The following SH3BGRL variants were observed in gnomAD, a reference collection of about 807,000 sequenced individuals.
SH3BGRL encodes the protein adapter SH3BGRL.
Under a neutral mutation model 9.8 loss-of-function variants are expected in SH3BGRL, and 7 were observed. The ratio of observed to expected loss-of-function variants is 0.72; its 90% CI spans 0.41 to 1.35. The LOEUF (loss-of-function observed/expected upper bound fraction) is 1.35. Ranked by LOEUF, SH3BGRL falls within the 40% of genes most tolerant of loss-of-function variation. The pLI, the probability that SH3BGRL is intolerant of heterozygous loss-of-function variation, is 0.01. For missense variants in SH3BGRL, 73 were observed against 84.4 expected (o/e 0.86, Z 0.53); for synonymous variants, 36 against 29.1 (o/e 1.24, Z -0.76).
chrX:81,268,014 T>C (rs2075763692), intron 1 of SH3BGRL, among the ~76,000 whole-genome samples: 1 of 112,110 alleles, frequency 8.9e-6, no homozygotes, highest in Non-Finnish European at 1.9e-5. Flanking sequence ...GAGGTGTTTA[T>C]AGTATTCTCT....
chrX:81,226,212 G>A (rs2075616158), intron 1 of SH3BGRL, among the ~76,000 whole-genome samples: 1 of 110,312 alleles, frequency 9.1e-6, no homozygotes. Flanking sequence ...CAGTGGTTTG[G>A]ATTTTTGTAT....
intron 1 of SH3BGRL, among the ~76,000 whole-genome samples, chrX:81,235,508 A>G (rs1646979279): frequency 9.0e-6 from 1 of 110,859 alleles, no homozygotes; most frequent in South Asian, 3.8e-4. Flanking sequence ...GCCTCAAGCA[A>G]ACAATTAAGA....
At chrX:81,250,664 C>T (rs867402026) in intron 1 of SH3BGRL, among the ~76,000 whole-genome samples, 16 of 111,614 alleles carry the variant, frequency 1.4e-4, no homozygotes, top group African/African-American at 3.9e-4. Flanking sequence ...TTTTTCTCCT[C>T]GGAACAAACT....
intron 1 of SH3BGRL, among the ~76,000 whole-genome samples, chrX:81,267,863 T>A (rs1369771873): frequency 8.9e-6 from 1 of 112,069 alleles, no homozygotes; most frequent in Non-Finnish European, 1.9e-5. Flanking sequence ...TTTTGGGTGC[T>A]AGGCTATTAA....
intron 1 of SH3BGRL, among the ~76,000 whole-genome samples, chrX:81,240,690 A>G (rs1174862192): frequency 8.9e-6 from 1 of 112,784 alleles, no homozygotes; most frequent in African/African-American, 3.2e-5. Context: ...AGAAACAACA[A>G]TCTGTACAGT....
At chrX:81,203,470 T>TA (rs947584129) in intron 1 of SH3BGRL, among the ~76,000 whole-genome samples, 4 of 111,584 alleles carry the variant, frequency 3.6e-5, no homozygotes, top group African/African-American at 9.8e-5. Flanking sequence ...AAGTTTAGGT[T>TA]AAAAAAAAGA....
intron 1 of SH3BGRL, among the ~76,000 whole-genome samples, chrX:81,253,068 A>T (rs1273362959): frequency 1.8e-5 from 2 of 112,331 alleles, no homozygotes; most frequent in African/African-American, 6.5e-5. Context: ...CTGAATCAGG[A>T]TCAAAATGCT....
At chrX:81,205,465 T>C (rs947102267) in intron 1 of SH3BGRL, among the ~76,000 whole-genome samples, 6 of 102,697 alleles carry the variant, frequency 5.8e-5, no homozygotes, top group Non-Finnish European at 1.2e-4. Context: ...TATGTGTGTA[T>C]ATATAAGTGT....
intron 1 of SH3BGRL, among the ~76,000 whole-genome samples, chrX:81,221,243 C>A (rs1332949446): frequency 8.9e-6 from 1 of 111,746 alleles, no homozygotes; most frequent in South Asian, 3.7e-4. Flanking sequence ...TTGTGTTAGG[C>A]TCTATTTATT....
intron 3 of SH3BGRL, among the ~76,000 whole-genome samples, chrX:81,282,014 TG>T (rs748238582): frequency 9.0e-6 from 1 of 111,620 alleles, no homozygotes; most frequent in Non-Finnish European, 1.9e-5. Flanking sequence ...GGACACCAAA[TG>T]AGAGTGGGGC....
chrX:81,268,572 G>T (rs1303242407), intron 1 of SH3BGRL, among the ~76,000 whole-genome samples: 1 of 111,781 alleles, frequency 8.9e-6, no homozygotes, highest in Non-Finnish European at 1.9e-5. Context: ...CTGCACTGTG[G>T]TCTGAGAGGC....
intron 1 of SH3BGRL, among the ~76,000 whole-genome samples, chrX:81,215,001 G>T (rs771066765): frequency 3.3e-4 from 37 of 111,336 alleles, no homozygotes; most frequent in Admixed American, 7.6e-4. Context: ...AGAGTATACG[G>T]TTAGAAAATT....
At chrX:81,248,820 G>T (rs865830998) in intron 1 of SH3BGRL, among the ~76,000 whole-genome samples, 2 of 111,920 alleles carry the variant, frequency 1.8e-5, no homozygotes, top group Non-Finnish European at 3.8e-5. Flanking sequence ...GAAAGAAAGC[G>T]CTGTCCATTG....
At chrX:81,257,721 G>T (rs965057255) in intron 1 of SH3BGRL, among the ~76,000 whole-genome samples, 1 of 110,754 alleles carries the variant, frequency 9.0e-6, no homozygotes, top group Non-Finnish European at 1.9e-5. Context: ...AATTCTATTG[G>T]TTGGAAGCAA....
At chrX:81,226,219 G>T (rs955825089) in intron 1 of SH3BGRL, among the ~76,000 whole-genome samples, 8 of 109,951 alleles carry the variant, frequency 7.3e-5, no homozygotes, top group African/African-American at 2.6e-4. Flanking sequence ...TTGGATTTTT[G>T]TATTCTGAAG....
intron 1 of SH3BGRL, among the ~76,000 whole-genome samples, chrX:81,210,330 A>G (rs999403915): frequency 9.0e-6 from 1 of 111,486 alleles, no homozygotes; most frequent in Admixed American, 9.6e-5. Context: ...TAGTAGTTGT[A>G]TGATATTGGA....
chrX:81,279,731 CCATCGGGAGGGTGG>C (rs1341683204), intron 3 of SH3BGRL, among the ~76,000 whole-genome samples: 1 of 110,867 alleles, frequency 9.0e-6, no homozygotes, highest in Non-Finnish European at 1.9e-5. Context: ...CCATAGGGAT[CCATCGGGAGGGTGG>C]CCAGAGGAGC....
rs1417185780 is a variant in SH3BGRL, at chrX:81,297,534, T to C, written c.*307T>C. 3 of 158,409 alleles carry C rather than the reference T, an allele frequency of 1.9e-5. No homozygotes were observed. Among genetic ancestry groups the C allele is most frequent in the Admixed American group, 1.7e-4 (2 of 12,089 alleles). 13.1% of individuals were successfully genotyped at this position (158,409 alleles called of 1,213,427 possible). ...TTACAAAGAAAACACCCTTCCCTCC[T>C]TCTGCCATTACTATGGCAACTTAAG... is the stretch of plus-strand genomic sequence containing the variant. On this transcript the variant is annotated 3_prime_UTR_variant, in exon 4 of 4. Transcript: ENST00000373212.
intron 1 of SH3BGRL, among the ~76,000 whole-genome samples, chrX:81,219,228 C>CTA (rs780793014): frequency 2.3e-4 from 25 of 108,720 alleles, no homozygotes; most frequent in African/African-American, 7.7e-4. Flanking sequence ...CATCAGGTAA[C>CTA]TATATATATA....
Sources: allele counts gnomAD v4.1 joint callset (sites outside exome capture counted in the v4.1 genomes callset), GRCh38; gene constraint gnomAD v4.1.1; transcripts MANE v1.5; gene names NCBI Gene and HGNC (gene_info 2026-07-23, HGNC 2026-07-21).